Variants in PBX4 observed in about 807,000 individuals in gnomAD.
The protein encoded by PBX4 is PBX homeobox 4.
A neutral mutation model predicts 35.1 loss-of-function variants in PBX4; 26 were observed. The ratio of observed to expected loss-of-function variants is 0.74; its 90% CI spans 0.54 to 1.03. The LOEUF (loss-of-function observed/expected upper bound fraction) is 1.03. Ranked by LOEUF, PBX4 falls within the 50% of genes least tolerant of loss-of-function variation. The pLI is 0.00. For synonymous variants in PBX4, 199 were observed against 204.2 expected (o/e 0.97, Z 0.22); for missense variants, 448 against 504.3 (o/e 0.89, Z 1.07).
intron 2 of PBX4, among the ~76,000 whole-genome samples, chr19:19,594,866 C>T (rs930936994): frequency 6.6e-6 from 1 of 152,042 alleles, no homozygotes; most frequent in African/African-American, 2.4e-5. Context: ...GGATTACAGG[C>T]GCATGCCACC....
At chr19:19,589,420 CGA>C (rs900929689) in intron 2 of PBX4, among the ~76,000 whole-genome samples, 4 of 151,372 alleles carry the variant, frequency 2.6e-5, no homozygotes, top group Admixed American at 6.6e-5. Flanking sequence ...GGCAACTGAG[CGA>C]GACTCTGTCT....
chr19:19,613,291 C>T (rs2061672187), intron 1 of PBX4, among the ~76,000 whole-genome samples: 2 of 150,838 alleles, frequency 1.3e-5, no homozygotes, highest in South Asian at 4.2e-4. Context: ...CATGGCAAAA[C>T]CCCGTCTCTA....
chr19:19,570,207 G>A lies in PBX4; in HGVS notation c.534C>T (p.Val178=), dbSNP rs1291827256. ...PVSPKEIERM[V]GAIHGKFSAI... ...CGCTGAACTTGCCGTGAATGGCGCC[G>A]ACCATGCGCTCAATCTCCTTAGGGG... The change falls in exon 4 of 8, where the codon GTC becomes GTT. Residue 178 remains valine (V), a synonymous_variant. Coordinates refer to ENST00000251203, the MANE Select transcript of PBX4 (RefSeq NM_025245.3). The A allele has an allele frequency of 3.7e-6, 6 of 1,613,996 alleles. No homozygotes were observed. The highest frequency in any genetic ancestry group is 2.7e-5 in the African/African-American group (2 of 74,946).
intron 2 of PBX4, among the ~76,000 whole-genome samples, chr19:19,589,861 T>G (rs536173925): frequency 2.6e-5 from 4 of 152,306 alleles, no homozygotes; most frequent in Admixed American, 6.5e-5. Flanking sequence ...GCTTTCTTGA[T>G]GCTGGTCTTC....
intron 5 of PBX4, among the ~76,000 whole-genome samples, chr19:19,565,346 A>G (rs2061335219): frequency 6.6e-6 from 1 of 152,154 alleles, no homozygotes; most frequent in South Asian, 2.1e-4. Context: ...TGTTGCTGGA[A>G]CCTGAACCTG....
intron 2 of PBX4, among the ~76,000 whole-genome samples, chr19:19,579,285 G>T (rs547762969): frequency 6.6e-6 from 1 of 151,834 alleles, no homozygotes; most frequent in South Asian, 2.1e-4. Flanking sequence ...GGAGGCGGAG[G>T]TTGCAGTGAG....
rs1306181282 is a variant in PBX4 at position 19,563,677 on chromosome 19, A to G, written c.926-62T>C. On this transcript the variant is annotated intron_variant, in intron 6 of 7. Coordinates refer to ENST00000251203, the MANE Select transcript of PBX4 (RefSeq NM_025245.3). The surrounding 1 kb of genome is among the most constrained non-coding windows in gnomAD (Gnocchi z 5.1). ...GCGCCTCCTCAGGTGGAACCCACCC[A>G]GCCCCTCAGCCGGCAGGAGGCCTCG... is the stretch of plus-strand genomic sequence containing the variant. 7.2e-7 allele frequency: 1 copy of G among 1,388,074 alleles called. No homozygotes were observed. Among genetic ancestry groups the G allele is most frequent in the Non-Finnish European group, 1.0e-6 (1 of 1,002,116 alleles). 86.0% of individuals were successfully genotyped at this position (1,388,074 alleles called of 1,614,324 possible). A position where few individuals can be genotyped will look rare whatever the true frequency, so the allele number is the denominator to read the frequency against.
intron 2 of PBX4, among the ~76,000 whole-genome samples, chr19:19,575,094 A>G (rs988563150): frequency 6.6e-6 from 1 of 151,996 alleles, no homozygotes; most frequent in Non-Finnish European, 1.5e-5. Flanking sequence ...ATAATTAGCC[A>G]GGCGTGGTGG....
chr19:19,571,535 G>C (rs2061382729), intron 2 of PBX4, among the ~76,000 whole-genome samples: 1 of 152,182 alleles, frequency 6.6e-6, no homozygotes, highest in African/African-American at 2.4e-5. Context: ...CCACCATCAA[G>C]GTATACACAG....
intron 2 of PBX4, among the ~76,000 whole-genome samples, chr19:19,598,835 A>C (rs2061576512): frequency 6.6e-6 from 1 of 151,894 alleles, no homozygotes; most frequent in South Asian, 2.1e-4. Flanking sequence ...GGATGAGCAA[A>C]ACGGCCCACC....
intron 2 of PBX4, among the ~76,000 whole-genome samples, chr19:19,597,028 A>G (rs2061565687): frequency 6.6e-6 from 1 of 152,072 alleles, no homozygotes; most frequent in South Asian, 2.1e-4. Flanking sequence ...CCTGGCCAAC[A>G]TGGTGAAACC....
chr19:19,577,719 C>T (rs1382448451), intron 2 of PBX4, among the ~76,000 whole-genome samples: 1 of 151,814 alleles, frequency 6.6e-6, no homozygotes. Context: ...ATTAGCCAAG[C>T]GTGGTGGCGC....
intron 2 of PBX4, among the ~76,000 whole-genome samples, chr19:19,589,101 C>T (rs910462387): frequency 9.9e-5 from 15 of 151,928 alleles, no homozygotes; most frequent in Non-Finnish European, 1.5e-5. Context: ...GCCTCCAACC[C>T]GCATGACAGA....
chr19:19,583,281 AAAAACAAAAC>A (rs201678612), intron 2 of PBX4, among the ~76,000 whole-genome samples: 1,680 of 151,126 alleles, frequency 0.011, 22 homozygotes, highest in African/African-American at 0.032. Flanking sequence ...TCCGTCTCAA[AAAAACAAAAC>A]AAAACAAAAC....
At chr19:19,605,939 A>G (rs1473364185) in intron 1 of PBX4, among the ~76,000 whole-genome samples, 1 of 149,504 alleles carries the variant, frequency 6.7e-6, no homozygotes, top group Admixed American at 6.8e-5. Flanking sequence ...AAGTAATTTC[A>G]TAGTTTCTGT....
intron 1 of PBX4, among the ~76,000 whole-genome samples, chr19:19,614,567 G>A (rs767709945): frequency 6.6e-6 from 1 of 151,816 alleles, no homozygotes; most frequent in South Asian, 2.1e-4. Context: ...CCCGGGAGGC[G>A]GAGGTTGCTC....
At chr19:19,577,729 C>T (rs943563096) in intron 2 of PBX4, among the ~76,000 whole-genome samples, 9 of 151,902 alleles carry the variant, frequency 5.9e-5, no homozygotes, top group African/African-American at 1.9e-4. Flanking sequence ...CGTGGTGGCG[C>T]GTGCCTGTAG....
chr19:19,592,962 T>C (rs1173764764), intron 2 of PBX4, among the ~76,000 whole-genome samples: 1 of 152,104 alleles, frequency 6.6e-6, no homozygotes, highest in East Asian at 1.9e-4. Flanking sequence ...CCCTGTCTCT[T>C]AGAGCTTCCC....
chr19:19,580,080 T>C (rs528161707), intron 2 of PBX4: 1 of 152,352 alleles, frequency 6.6e-6, no homozygotes, highest in South Asian at 2.1e-4. Flanking sequence ...CAAAGCCTAG[T>C]GCGCCGACCT....
Sources: allele counts gnomAD v4.1 joint callset (sites outside exome capture counted in the v4.1 genomes callset), GRCh38; gene constraint gnomAD v4.1.1; non-coding constraint Gnocchi (gnomAD v3.1); transcripts MANE v1.5; gene names NCBI Gene and HGNC (gene_info 2026-07-23, HGNC 2026-07-21).